Variants in VPS26C observed in about 807,000 individuals in gnomAD.
The protein encoded by VPS26C is vacuolar protein sorting-associated protein 26C.
VPS26C carries 19 observed loss-of-function variants against 30.6 expected under a neutral mutation model. The observed-to-expected ratio is 0.62, with a 90% CI of 0.43 to 0.91. The LOEUF is 0.91. Ranked by LOEUF, VPS26C falls within the 40% of genes least tolerant of loss-of-function variation. The pLI, the probability that VPS26C is intolerant of heterozygous loss-of-function variation, is 0.00. For missense variants in VPS26C, 318 were observed against 385.1 expected (o/e 0.83, Z 1.46); for synonymous variants, 132 against 151.5 (o/e 0.87, Z 0.95).
intron 1 of VPS26C, among the ~76,000 whole-genome samples, chr21:37,244,312 G>A (rs569618593): frequency 3.3e-5 from 5 of 152,258 alleles, no homozygotes; most frequent in South Asian, 2.1e-4. Flanking sequence ...GCAGCGGCAC[G>A]CTGCAACCTC....
chr21:37,227,715 G>C lies in VPS26C; in HGVS notation c.750C>G (p.Ile250Met). 1 of 1,614,208 alleles carries C rather than the reference G, an allele frequency of 6.2e-7. No homozygotes were observed. The highest frequency in any genetic ancestry group is 1.6e-4 in the Middle Eastern group (1 of 6,062). Reference protein sequence around the residue: ...GDVCRGLSVPIYMVFPRLFTC... With the variant: ...GDVCRGLSVPMYMVFPRLFTC... ...TGAACAGCCTAGGGAAGACCATGTAGATGGGGACAGAGAGGCCCCTGCACA... is the reference window on the plus strand; with the variant it reads ...TGAACAGCCTAGGGAAGACCATGTACATGGGGACAGAGAGGCCCCTGCACA... Residue 250 changes from isoleucine (I) to methionine (M), a missense_variant, in exon 7 of 8, where the codon ATC becomes ATG. By Grantham distance (10) the Ile-to-Met change is conservative (BLOSUM62 1). Coordinates refer to ENST00000309117, the MANE Select transcript of VPS26C (RefSeq NM_006052.2).
Position 37,233,023 on chromosome 21 carries a change from C to T in VPS26C, c.432+339G>A, listed in dbSNP as rs894304081. On this transcript the variant is annotated intron_variant, in intron 4 of 7. Transcript: ENST00000309117. The surrounding 1 kb of genome is among the most constrained non-coding windows in gnomAD (Gnocchi z 5.2). The stretch of plus-strand genomic sequence containing the variant: ...TAATTTCAGAATCTACAGATACAGC[C>T]GAGCTTCATGAGAGCCTGCCTGGCA... Among the ~76,000 whole-genome samples, 2 of 152,156 alleles carry T rather than the reference C, an allele frequency of 1.3e-5. No individual in the cohort carries two copies. Among genetic ancestry groups the T allele is most frequent in the African/African-American group, 4.8e-5 (2 of 41,434 alleles).
chr21:37,265,825 T>C (rs1449979132), intron 1 of VPS26C, among the ~76,000 whole-genome samples: 1 of 152,000 alleles, frequency 6.6e-6, no homozygotes. Flanking sequence ...TCTCATTAGT[T>C]GTGATGGTGA....
In VPS26C at chr21:37,225,549, T is replaced by C; in HGVS notation, c.889A>G (p.Ile297Val). ...CTATGCTTCCCTCCTCCGGGCTATA[T>C]CCTGCAGAGCTTCAGCGGGAAGTTC... ...TENFPLKLCR[I>V] is the part of the protein sequence containing the mutation. The change falls in exon 8 of 8, where the codon ATA becomes GTA. Residue 297 changes from isoleucine to valine, a missense_variant. Ile to Val is a conservative substitution (Grantham distance 29). Coordinates refer to ENST00000309117, the MANE Select transcript of VPS26C (RefSeq NM_006052.2). 6.2e-7 allele frequency: 1 copy of C among 1,614,058 alleles called. No individual in the cohort carries two copies. The highest frequency in any genetic ancestry group is 8.5e-7 in the Non-Finnish European group (1 of 1,179,892).
rs2086255837 is a variant in VPS26C at position 37,257,495 on chromosome 21, GT to G, written c.57+9742del. Among the ~76,000 whole-genome samples the G allele has an allele frequency of 6.6e-6, 1 of 152,244 alleles. No individual in the cohort carries two copies. The highest frequency in any genetic ancestry group is 2.4e-5 in the African/African-American group (1 of 41,466). ...TGAACGGAAGCTTAAACCTAGAAAA[GT>G]AACTGGGTTGGGGTGGGGGTGTAGC... On this transcript the variant is annotated intron_variant, in intron 1 of 7. Coordinates refer to ENST00000309117, the MANE Select transcript of VPS26C (RefSeq NM_006052.2). This position sits in a 1 kb window ranked among gnomAD's most constrained non-coding sequence, Gnocchi z 4.2.
At chr21:37,263,320 A>G (rs1449486436) in intron 1 of VPS26C, among the ~76,000 whole-genome samples, 2 of 152,200 alleles carry the variant, frequency 1.3e-5, no homozygotes, top group African/African-American at 2.4e-5. Flanking sequence ...AAATATCACA[A>G]TGTTATTCAC....
Position 37,240,453 on chromosome 21 carries a change from C to T in VPS26C, c.201+43G>A, listed in dbSNP as rs767805737. The T allele has an allele frequency of 1.1e-5, 18 of 1,608,998 alleles. No homozygotes were observed. The East Asian group carries it at 3.8e-4, about 34-fold the overall frequency. On this transcript the variant is annotated intron_variant, in intron 2 of 7. Transcript: ENST00000309117. Reference sequence around the variant, plus strand: ...AGCCACTGCGCCCAGCCCAACATTTCAATATTGAACTAAAAACTTGCAATC... The same window carrying T: ...AGCCACTGCGCCCAGCCCAACATTTTAATATTGAACTAAAAACTTGCAATC...
chr21:37,239,351 TC>T (rs1489205656), intron 2 of VPS26C, among the ~76,000 whole-genome samples: 1 of 152,218 alleles, frequency 6.6e-6, no homozygotes, highest in East Asian at 1.9e-4. Flanking sequence ...CTGTCTTCAC[TC>T]TTTTCCCTGC....
intron 1 of VPS26C, among the ~76,000 whole-genome samples, chr21:37,252,201 A>T (rs1333258110): frequency 6.6e-6 from 1 of 152,238 alleles, no homozygotes; most frequent in Admixed American, 6.5e-5. Flanking sequence ...TGGGTGGGAA[A>T]ACATGAGTGA....
intron 1 of VPS26C, among the ~76,000 whole-genome samples, chr21:37,260,362 C>T (rs2086291728): frequency 6.6e-6 from 1 of 152,138 alleles, no homozygotes; most frequent in Non-Finnish European, 1.5e-5. Context: ...TATCTCATAT[C>T]ACCCATGGGT....
At chr21:37,264,839 G>A (rs2086342357) in intron 1 of VPS26C, among the ~76,000 whole-genome samples, 1 of 152,136 alleles carries the variant, frequency 6.6e-6, no homozygotes, top group Non-Finnish European at 1.5e-5. Context: ...ACTTGTACTA[G>A]AATGTTCATA....
At chr21:37,250,524 T>C (rs538364327) in intron 1 of VPS26C, among the ~76,000 whole-genome samples, 5 of 152,056 alleles carry the variant, frequency 3.3e-5, no homozygotes, top group Non-Finnish European at 7.4e-5. Context: ...ACTATATAAA[T>C]GATAAACTAG....
intron 7 of VPS26C, chr21:37,225,847 A>T (rs1044427433): frequency 1.6e-5 from 9 of 575,272 alleles, no homozygotes; most frequent in Non-Finnish European, 2.8e-5. Context: ...TCTCTAAGTG[A>T]ATTTTTGTCC....
At chr21:37,254,548 C>T (rs1213616807) in intron 1 of VPS26C, among the ~76,000 whole-genome samples, 6 of 152,136 alleles carry the variant, frequency 3.9e-5, no homozygotes, top group African/African-American at 1.4e-4. Flanking sequence ...CGGTGGCTCA[C>T]GCCTGTAATC....
At chr21:37,225,895 T>C (rs757305573) in intron 7 of VPS26C, 19 of 516,120 alleles carry the variant, frequency 3.7e-5, no homozygotes, top group Non-Finnish European at 5.6e-5. Flanking sequence ...CTTCACCAAC[T>C]ACACTTTCCC....
At chr21:37,231,180 A>C (rs2835678) in intron 5 of VPS26C, among the ~76,000 whole-genome samples, 62,146 of 152,042 alleles carry the variant, frequency 0.41, 13,058 homozygotes, top group South Asian at 0.54. Flanking sequence ...ACCGAGGATC[A>C]ATACACATTT....
Position 37,257,902 on chromosome 21 carries a change from A to G in VPS26C, c.57+9336T>C, listed in dbSNP as rs949109967. On this transcript the variant is annotated intron_variant, in intron 1 of 7. Coordinates refer to ENST00000309117, the MANE Select transcript of VPS26C (RefSeq NM_006052.2). The surrounding 1 kb of genome is among the most constrained non-coding windows in gnomAD (Gnocchi z 4.2). ...GGGGCACCAAGCGGGGAGCGGGGCCACGAGGCAGGGGACAGTGAAGCACCA... is the reference window on the plus strand; with the variant it reads ...GGGGCACCAAGCGGGGAGCGGGGCCGCGAGGCAGGGGACAGTGAAGCACCA... 6.6e-6 allele frequency among the ~76,000 whole-genome samples: 1 copy of G among 151,952 alleles called. No individual in the cohort carries two copies. The highest frequency in any genetic ancestry group is 2.4e-5 in the African/African-American group (1 of 41,198).
intron 2 of VPS26C, 97 bp downstream of exon 2, chr21:37,240,399 A>T: frequency 7.2e-7 from 1 of 1,391,002 alleles, no homozygotes; most frequent in Non-Finnish European, 9.8e-7. Context: ...TACTGAGATT[A>T]CAGGCCTGAG....
chr21:37,225,539 C>T lies in VPS26C; in HGVS notation c.*5G>A. ...CTCCCGTTCTCTATGCTTCCCTCCT[C>T]CGGGCTATATCCTGCAGAGCTTCAG... On this transcript the variant is annotated 3_prime_UTR_variant, in exon 8 of 8. Transcript: ENST00000309117. The T allele has an allele frequency of 6.2e-7, 1 of 1,613,720 alleles. No homozygotes were observed. Among genetic ancestry groups the T allele is most frequent in the Non-Finnish European group, 8.5e-7 (1 of 1,179,608 alleles).
Sources: gnomAD v4.1 joint callset for allele counts (sites outside exome capture counted in the v4.1 genomes callset) on GRCh38, gnomAD v4.1.1 for gene constraint, Gnocchi (gnomAD v3.1) non-coding constraint, MANE v1.5 for transcripts, NCBI Gene and HGNC (gene_info 2026-07-23, HGNC 2026-07-21) for gene names.